DCAKD: variants seen among roughly 807,000 people sequenced by gnomAD.
DCAKD encodes dephospho-CoA kinase domain-containing protein.
A neutral mutation model predicts 18.7 loss-of-function variants in DCAKD; 15 were observed. That is an observed-to-expected ratio of 0.80 (90% CI 0.54 to 1.24). DCAKD has a LOEUF of 1.24. DCAKD is among the 50% of genes most tolerant of loss of function. DCAKD has a pLI of 0.00. For synonymous variants in DCAKD, 130 were observed against 133.0 expected, an observed-to-expected ratio of 0.98 and a Z score of 0.16; for missense variants, 301 against 322.0, an observed-to-expected ratio of 0.93 and a Z score of 0.50.
intron 1 of DCAKD, among the ~76,000 whole-genome samples, chr17:45,044,032 C>CT (rs1567845123): frequency 6.6e-6 from 1 of 152,144 alleles, no homozygotes; most frequent in Non-Finnish European, 1.5e-5. Flanking sequence ...TAGGAACAAA[C>CT]TTTGTTTGCT....
At chr17:45,027,175 T>A (rs2053073318) in intron 4 of DCAKD, among the ~76,000 whole-genome samples, 1 of 152,102 alleles carries the variant, frequency 6.6e-6, no homozygotes, top group African/African-American at 2.4e-5. Flanking sequence ...ACCCAATCTC[T>A]ACAAAAAATA....
At chr17:45,053,852 G>A (rs866306537), upstream of DCAKD, among the ~76,000 whole-genome samples, 47 of 151,992 alleles carry the variant, frequency 3.1e-4, no homozygotes, top group African/African-American at 1.1e-3. Flanking sequence ...CATGAGCCAC[G>A]GTGCCTCACC....
intron 1 of DCAKD, among the ~76,000 whole-genome samples, chr17:45,041,362 A>G (rs763073242): frequency 2.0e-5 from 3 of 146,972 alleles, no homozygotes; most frequent in Non-Finnish European, 1.5e-5. Context: ...CCCAGGCTGG[A>G]GTGCAGTGGT....
At chr17:45,041,513 T>C (rs1305957736) in intron 1 of DCAKD, among the ~76,000 whole-genome samples, 3 of 151,974 alleles carry the variant, frequency 2.0e-5, no homozygotes, top group Non-Finnish European at 4.4e-5. Context: ...GGTTTCACCA[T>C]GTTAGCCAGG....
intron 3 of DCAKD, 154 bp downstream of exon 3, chr17:45,034,033 G>A (rs1312687005): frequency 1.9e-6 from 3 of 1,596,656 alleles, no homozygotes; most frequent in Admixed American, 1.7e-5. Flanking sequence ...TCTGGGGCTG[G>A]TACGGGGCTC....
At chr17:45,031,391 C>T (rs953905174) in intron 3 of DCAKD, 14 of 976,918 alleles carry the variant, frequency 1.4e-5, no homozygotes, top group Non-Finnish European at 1.7e-5. Flanking sequence ...CACCATGTGA[C>T]CTTGGGCCCC....
intron 4 of DCAKD, among the ~76,000 whole-genome samples, chr17:45,028,599 G>T (rs560001225): frequency 4.0e-4 from 60 of 151,010 alleles, no homozygotes; most frequent in African/African-American, 1.4e-3. Flanking sequence ...TAGTAGAGAT[G>T]GGGTTTCTCC....
chr17:45,032,797 C>T (rs1007679431), intron 3 of DCAKD, among the ~76,000 whole-genome samples: 3 of 146,448 alleles, frequency 2.0e-5, no homozygotes, highest in Non-Finnish European at 3.0e-5. Flanking sequence ...AAAAAAAAGG[C>T]TCCCCTATAC....
chr17:45,051,154 T>C (rs926946962), intron 1 of DCAKD, among the ~76,000 whole-genome samples: 8 of 152,332 alleles, frequency 5.3e-5, no homozygotes, highest in African/African-American at 1.9e-4. Flanking sequence ...ACAACTGAAG[T>C]GGCAGAAGCT....
Position 45,024,147 on chromosome 17 carries a change from C to T in DCAKD, c.*286G>A, listed in dbSNP as rs975431270. ...TAGCAGTCTCTGACTGTTGCTTTCACACACCATCACGGTTGCTGTTCTGTA... is the reference window on the plus strand; with the variant it reads ...TAGCAGTCTCTGACTGTTGCTTTCATACACCATCACGGTTGCTGTTCTGTA... On this transcript the variant is annotated 3_prime_UTR_variant, in exon 5 of 5. Transcript: ENST00000651974. The T allele has an allele frequency of 1.7e-5, 7 of 400,304 alleles. No homozygotes were observed. The highest frequency in any genetic ancestry group is 3.2e-5 in the Non-Finnish European group (7 of 217,836). 24.8% of individuals were successfully genotyped at this position (400,304 alleles called of 1,614,324 possible).
Position 45,024,332 on chromosome 17 carries a change from TGTGTGTGGG to T in DCAKD, c.*92_*100del. 1 of 122,500 alleles carries T rather than the reference TGTGTGTGGG, an allele frequency of 8.2e-6. No homozygotes were observed. Among genetic ancestry groups the T allele is most frequent in the Non-Finnish European group, 1.5e-5 (1 of 67,140 alleles). 7.6% of individuals were successfully genotyped at this position (122,500 alleles called of 1,614,324 possible). The stretch of plus-strand genomic sequence containing the variant: ...GTGTGTGTGTGTGTGTGTGTGTGTG[TGTGTGTGGG>T]GAGGGGGCTGAGAGGAAACAGGATG... On this transcript the variant is annotated 3_prime_UTR_variant, in exon 5 of 5. Transcript: ENST00000651974.
intron 1 of DCAKD, among the ~76,000 whole-genome samples, chr17:45,038,852 C>A (rs926650508): frequency 6.6e-6 from 1 of 150,646 alleles, no homozygotes; most frequent in East Asian, 1.9e-4. Flanking sequence ...TGACAAATAA[C>A]AGCTGTTCCT....
rs1035141092 is a variant in DCAKD at position 45,026,583 on chromosome 17, A to G, written c.405-1859T>C. 4 of 983,800 alleles carry G rather than the reference A, an allele frequency of 4.1e-6. No homozygotes were observed. In the African/African-American group the frequency reaches 7.0e-5, roughly 17 times the overall value. The allele number at this position is 983,800 out of a possible 1,614,324, so 60.9% of individuals were successfully genotyped here. ...TTGCTGTGTTGCCTACACTGGTCTC[A>G]AACTCCTGGGCTTAAGTGATCCTCC... is the stretch of plus-strand genomic sequence containing the variant. On this transcript the variant is annotated intron_variant, in intron 4 of 4. Transcript: ENST00000651974.
chr17:45,024,815 CAG>C (rs536714292), intron 4 of DCAKD, 91 bp from the exon 5 acceptor site: 322 of 1,442,446 alleles, frequency 2.2e-4, no homozygotes, highest in Non-Finnish European at 2.8e-4. Context: ...CAGCCTGAAA[CAG>C]AGAGCATGGG....
chr17:45,059,834 G>A (rs1473704297), intron 1 of DCAKD, among the ~76,000 whole-genome samples: 3 of 152,096 alleles, frequency 2.0e-5, no homozygotes, highest in Non-Finnish European at 2.9e-5. Flanking sequence ...GGCCAGGTAC[G>A]GTGGCTCACA....
intron 1 of DCAKD, among the ~76,000 whole-genome samples, chr17:45,041,763 G>A (rs1567843166): frequency 1.3e-5 from 2 of 152,112 alleles, no homozygotes; most frequent in East Asian, 3.9e-4. Flanking sequence ...AGCAGGGGAG[G>A]GGTAAAACAA....
chr17:45,028,859 A>G (rs1032428578), intron 4 of DCAKD, among the ~76,000 whole-genome samples: 4 of 149,048 alleles, frequency 2.7e-5, no homozygotes, highest in Non-Finnish European at 5.9e-5. Context: ...TGCCCGCCAC[A>G]ACACCGGGCT....
At chr17:45,024,870 A>C in intron 4 of DCAKD, 146 bp from the exon 5 acceptor site, 2 of 1,042,976 alleles carry the variant, frequency 1.9e-6, no homozygotes, top group Non-Finnish European at 2.6e-6. Context: ...TGGGCTACTT[A>C]GGGTCCCACA....
intron 1 of DCAKD, among the ~76,000 whole-genome samples, chr17:45,050,536 C>G (rs1353355674): frequency 6.6e-6 from 1 of 152,048 alleles, no homozygotes. Context: ...TAGGGCCCTG[C>G]TGAGACAAAA....
Sources: gnomAD v4.1 joint callset for allele counts (sites outside exome capture counted in the v4.1 genomes callset) on GRCh38, gnomAD v4.1.1 for gene constraint, MANE v1.5 for transcripts, NCBI Gene and HGNC (gene_info 2026-07-23, HGNC 2026-07-21) for gene names.